SH3D19: variants seen among roughly 807,000 people sequenced by gnomAD.
The protein encoded by SH3D19 is SH3 domain-containing protein 19.
In SH3D19, 58 loss-of-function variants were observed where a neutral mutation model predicts 112.1. The ratio of observed to expected loss-of-function variants is 0.52; its 90% confidence interval spans 0.42 to 0.64. SH3D19 has a LOEUF of 0.64. Ranked by LOEUF, SH3D19 falls within the 30% of genes least tolerant of loss-of-function variation. The pLI is 0.00. For missense variants in SH3D19, 1,090 were observed against 1,263.4 expected (o/e 0.86, Z 2.08); for synonymous variants, 391 against 448.5 (o/e 0.87, Z 1.62).
intron 1 of SH3D19, among the ~76,000 whole-genome samples, chr4:151,317,978 G>A (rs1213303224): frequency 2.0e-5 from 3 of 147,288 alleles, no homozygotes; most frequent in Non-Finnish European, 4.5e-5. Flanking sequence ...GCAACAGAGC[G>A]AGGCTGTTTC....
intron 9 of SH3D19, among the ~76,000 whole-genome samples, chr4:151,149,874 C>G (rs1041809490): frequency 5.3e-5 from 8 of 151,664 alleles, no homozygotes; most frequent in Non-Finnish European, 8.8e-5. Context: ...TTAAGCAGGC[C>G]CTGAAGAGAA....
chr4:151,206,507 T>C (rs750363978), intron 2 of SH3D19, among the ~76,000 whole-genome samples: 20 of 152,232 alleles, frequency 1.3e-4, no homozygotes, highest in Admixed American at 7.9e-4. Flanking sequence ...TACCCTACTC[T>C]ATTTTCTCAA....
chr4:151,271,291 T>G (rs763207031), intron 1 of SH3D19, among the ~76,000 whole-genome samples: 1 of 152,214 alleles, frequency 6.6e-6, no homozygotes, highest in Non-Finnish European at 1.5e-5. Context: ...GTAGACTGAT[T>G]GATGGGTTGA....
At chr4:151,239,077 C>T (rs1374460175) in intron 1 of SH3D19, among the ~76,000 whole-genome samples, 2 of 152,180 alleles carry the variant, frequency 1.3e-5, no homozygotes, top group Non-Finnish European at 2.9e-5. Flanking sequence ...AGAAGAGACA[C>T]CTGGAGACAT....
intron 2 of SH3D19, among the ~76,000 whole-genome samples, chr4:151,188,633 T>C (rs1255051602): frequency 2.6e-5 from 4 of 152,206 alleles, no homozygotes; most frequent in African/African-American, 9.6e-5. Flanking sequence ...ACAGCCCTCT[T>C]AGTGAATACA....
chr4:151,277,075 A>G (rs1467830992), intron 1 of SH3D19: 2 of 897,754 alleles, frequency 2.2e-6, no homozygotes, highest in East Asian at 3.0e-5. Flanking sequence ...AGAGGAATCC[A>G]TCTAGGAGAA....
intron 2 of SH3D19, among the ~76,000 whole-genome samples, chr4:151,187,666 G>T (rs1216719151): frequency 6.6e-6 from 1 of 152,142 alleles, no homozygotes; most frequent in Non-Finnish European, 1.5e-5. Context: ...AAATATATTT[G>T]CAGTGTAAGT....
chr4:151,208,085 G>C (rs1580161860), intron 2 of SH3D19, among the ~76,000 whole-genome samples: 1 of 152,284 alleles, frequency 6.6e-6, no homozygotes, highest in Middle Eastern at 3.4e-3. Flanking sequence ...CACTATAAAG[G>C]CATTATGTCA....
chr4:151,150,206 A>AAAAAAAAAAAAAAT (rs1273707426), intron 9 of SH3D19, among the ~76,000 whole-genome samples: 2 of 46,158 alleles, frequency 4.3e-5, no homozygotes, highest in Non-Finnish European at 8.5e-5. Flanking sequence ...AAAAAAAAAA[A>AAAAAAAAAAAAAAT]ATATATATAT....
At chr4:151,204,336 G>T (rs1045843450) in intron 2 of SH3D19, among the ~76,000 whole-genome samples, 1 of 152,130 alleles carries the variant, frequency 6.6e-6, no homozygotes, top group Non-Finnish European at 1.5e-5. Context: ...AGAATATTTG[G>T]GTTGGTATTT....
chr4:151,214,724 C>T (rs1766708430), intron 2 of SH3D19, among the ~76,000 whole-genome samples: 2 of 77,096 alleles, frequency 2.6e-5, no homozygotes, highest in African/African-American at 3.5e-5. Flanking sequence ...GCAGAGGCGC[C>T]CCTCACCTCC....
intron 1 of SH3D19, among the ~76,000 whole-genome samples, chr4:151,250,649 G>GA (rs1310112459): frequency 6.6e-6 from 1 of 152,002 alleles, no homozygotes; most frequent in Non-Finnish European, 1.5e-5. Flanking sequence ...TAATTGTAAA[G>GA]AAAAAACCCA....
intron 1 of SH3D19, among the ~76,000 whole-genome samples, chr4:151,249,934 C>T (rs114461010): frequency 2.1e-3 from 313 of 152,106 alleles, no homozygotes; most frequent in African/African-American, 7.2e-3. Context: ...AAATTAGTGC[C>T]GTATGCTTGA....
chr4:151,316,597 T>C (rs1000581500), intron 1 of SH3D19, among the ~76,000 whole-genome samples: 1 of 151,710 alleles, frequency 6.6e-6, no homozygotes, highest in African/African-American at 2.4e-5. Flanking sequence ...TTTTCTTAAT[T>C]CATTTTTTTT....
chr4:151,196,840 A>C (rs757796185), intron 2 of SH3D19, among the ~76,000 whole-genome samples: 42 of 152,252 alleles, frequency 2.8e-4, no homozygotes, highest in Non-Finnish European at 4.4e-4. Flanking sequence ...AAGGGCATGA[A>C]TAGACAATTC....
chr4:151,230,240 G>A (rs903143683), intron 1 of SH3D19, among the ~76,000 whole-genome samples: 1 of 152,192 alleles, frequency 6.6e-6, no homozygotes, highest in African/African-American at 2.4e-5. Flanking sequence ...TTTTGGGTAC[G>A]GCTACGCAGA....
chr4:151,184,337 T>C (rs1350385056), intron 3 of SH3D19, among the ~76,000 whole-genome samples: 3 of 152,146 alleles, frequency 2.0e-5, no homozygotes, highest in Non-Finnish European at 1.5e-5. Flanking sequence ...AAAAATTATT[T>C]ACAGCTTTTT....
At chr4:151,169,571 C>T (rs543805393) in intron 7 of SH3D19, among the ~76,000 whole-genome samples, 2 of 152,236 alleles carry the variant, frequency 1.3e-5, no homozygotes, top group South Asian at 4.1e-4. Context: ...TCTCTAGCAA[C>T]GTAAGTTCAC....
Position 151,307,696 on chromosome 4 carries a change from T to C in SH3D19, c.112+17545A>G, listed in dbSNP as rs76163190. Among the ~76,000 whole-genome samples, 640 of 152,356 alleles carry C rather than the reference T, an allele frequency of 4.2e-3. 4 individuals carry two copies. The highest frequency in any genetic ancestry group is 0.013 in the African/African-American group (558 of 41,578). On this transcript the variant is annotated intron_variant, in intron 1 of 19. Coordinates refer to ENST00000604030, the MANE Select transcript of SH3D19 (RefSeq NM_001378122.1). ...CAGCTCAAAGCCTGGGTCAGTTGTA[T>C]TGACACCAAACGGCAAACATCTAAA...
Sources: allele counts gnomAD v4.1 joint callset (sites outside exome capture counted in the v4.1 genomes callset), GRCh38; gene constraint gnomAD v4.1.1; transcripts MANE v1.5; gene names NCBI Gene and HGNC (gene_info 2026-07-23, HGNC 2026-07-21).